Variants in DPM1 observed in about 807,000 individuals in gnomAD.
DPM1 encodes dolichol-phosphate mannosyltransferase subunit 1.
DPM1 carries 27 observed loss-of-function variants against 39.0 expected under a neutral mutation model. That is an observed-to-expected ratio of 0.69 (90% CI 0.51 to 0.95). The LOEUF is 0.95. Among genes scored for constraint, DPM1 ranks in the 40% least tolerant of loss-of-function variants. The probability of loss-of-function intolerance (pLI) is 0.00; values close to 1 mark genes in which losing one functional copy is unlikely to be tolerated. For missense variants in DPM1, 307 were observed against 315.6 expected (o/e 0.97, Z 0.21); for synonymous variants, 124 against 109.0 (o/e 1.14, Z -0.86).
chr20:50,957,437 C>A (rs1420693672), intron 1 of DPM1, among the ~76,000 whole-genome samples: 1 of 152,202 alleles, frequency 6.6e-6, no homozygotes. Flanking sequence ...AACGCGTCTG[C>A]TGCCAACACT....
Position 50,942,163 on chromosome 20 carries a change from C to A in DPM1, c.399-37G>T, listed in dbSNP as rs757950770. The A allele has an allele frequency of 3.8e-6, 6 of 1,563,556 alleles. No individual in the cohort carries two copies. The South Asian group carries it at 5.6e-5, about 14-fold the overall frequency. On this transcript the variant is annotated intron_variant, in intron 5 of 8. Coordinates refer to ENST00000371588, the MANE Select transcript of DPM1 (RefSeq NM_003859.3). ...ATTAGCTGTCAATTAGAAAAAGCCA[C>A]TGAGCTTTCAACAGTCATTTTCATG...
intron 2 of DPM1, 51 bp from the exon 3 acceptor site, chr20:50,948,713 T>A: frequency 6.5e-7 from 1 of 1,536,516 alleles, no homozygotes; most frequent in Non-Finnish European, 9.0e-7. Context: ...AATCTTATCA[T>A]GTTAAATTTT....
chr20:50,936,366 C>T (rs1180774422), intron 7 of DPM1, 104 bp from the exon 8 acceptor site: 7 of 737,998 alleles, frequency 9.5e-6, no homozygotes, highest in Non-Finnish European at 1.6e-5. Flanking sequence ...CTAAAACTTT[C>T]ACTGGCCATT....
chr20:50,942,278 C>T lies in DPM1; in HGVS notation c.399-152G>A, dbSNP rs977207527. The T allele has an allele frequency of 1.2e-4, 86 of 716,280 alleles. 1 individual carries two copies. Among genetic ancestry groups the T allele is most frequent in the South Asian group, 9.5e-4 (63 of 66,280 alleles). 44.4% of individuals were successfully genotyped at this position (716,280 alleles called of 1,614,324 possible). A position where few individuals can be genotyped will look rare whatever the true frequency, so the allele number is the denominator to read the frequency against. ...ATCCTAGCACTTTGGGAGGCCGAGG[C>T]GGGTGGATCACGAGGCCAGGAGTTC... On this transcript the variant is annotated intron_variant, in intron 5 of 8. Coordinates refer to ENST00000371588, the MANE Select transcript of DPM1 (RefSeq NM_003859.3).
At chr20:50,958,244 G>A (rs1986940882) in intron 1 of DPM1, 119 bp downstream of exon 1, 1 of 1,359,124 alleles carries the variant, frequency 7.4e-7, no homozygotes, top group African/African-American at 1.4e-5. Context: ...CTCTCCCCGG[G>A]CCTTCCTGTG....
At chr20:50,943,572 G>C (rs892010459) in intron 5 of DPM1, among the ~76,000 whole-genome samples, 2 of 151,850 alleles carry the variant, frequency 1.3e-5, no homozygotes, top group African/African-American at 4.8e-5. Context: ...TGTTGGCCAG[G>C]ATGCTCTCAA....
intron 2 of DPM1, among the ~76,000 whole-genome samples, chr20:50,949,097 G>A (rs920373170): frequency 2.0e-5 from 3 of 152,112 alleles, no homozygotes; most frequent in African/African-American, 7.2e-5. Flanking sequence ...CTGACCTCGT[G>A]ATCCGCCCGC....
At chr20:50,938,170 G>C (rs2123070748) in intron 7 of DPM1, among the ~76,000 whole-genome samples, 1 of 152,210 alleles carries the variant, frequency 6.6e-6, no homozygotes, top group East Asian at 1.9e-4. Context: ...TCCCATAAAT[G>C]CGATTAGGAT....
chr20:50,943,351 CTTTT>C (rs979804609), intron 5 of DPM1, among the ~76,000 whole-genome samples: 181 of 152,184 alleles, frequency 1.2e-3, no homozygotes, highest in African/African-American at 4.2e-3. Flanking sequence ...CTACAATAAA[CTTTT>C]TTTGTTTTGT....
intron 3 of DPM1, 82 bp from the exon 4 acceptor site, chr20:50,946,005 A>G: frequency 2.5e-6 from 3 of 1,194,668 alleles, no homozygotes; most frequent in Non-Finnish European, 3.7e-6. Flanking sequence ...ATTGTTTAGC[A>G]CCTGAAGAGC....
rs185970318 is a variant in DPM1 at position 50,953,398 on chromosome 20, C to T, written c.261+1788G>A. ...AGGCTGACAAAGCATCTGTGGTGAA[C>T]ACTTTATCTGAGGTATTCTAACATG... On this transcript the variant is annotated intron_variant, in intron 2 of 8. Transcript: ENST00000371588. Among the ~76,000 whole-genome samples the T allele has an allele frequency of 2.8e-4, 42 of 152,322 alleles. 1 individual carries two copies. The highest frequency in any genetic ancestry group is 8.2e-4 in the African/African-American group (34 of 41,572).
intron 2 of DPM1, among the ~76,000 whole-genome samples, chr20:50,950,871 A>AAAAC (rs138746394): frequency 0.02 from 3,084 of 151,876 alleles, 59 homozygotes; most frequent in African/African-American, 0.049. Flanking sequence ...TCCGTCTCAA[A>AAAAC]AAACAAACAA....
chr20:50,948,172 C>G (rs1432045496), intron 3 of DPM1, among the ~76,000 whole-genome samples: 3 of 152,132 alleles, frequency 2.0e-5, no homozygotes, highest in Non-Finnish European at 1.5e-5. Flanking sequence ...CTGTTACTCT[C>G]CCTCCTACCT....
At position 50,948,807 on chromosome 20, in the gene DPM1, T is replaced by A; in HGVS notation, c.262-145A>T. 3 of 780,232 alleles carry A rather than the reference T, an allele frequency of 3.8e-6. No individual in the cohort carries two copies. The South Asian group carries it at 4.9e-5, about 13-fold the overall frequency. The allele number at this position is 780,232 out of a possible 1,614,324, so 48.3% of individuals were successfully genotyped here. A position where few individuals can be genotyped will look rare whatever the true frequency, so the allele number is the denominator to read the frequency against. ...TAAAGCAAAGTATCCTTAATATTTTTTTGCCAAAAGAAAAAAAAAAGCATT... is the reference window on the plus strand; with the variant it reads ...TAAAGCAAAGTATCCTTAATATTTTATTGCCAAAAGAAAAAAAAAAGCATT... On this transcript the variant is annotated intron_variant, in intron 2 of 8. Transcript: ENST00000371588.
At chr20:50,941,953 G>T in intron 6 of DPM1, 78 bp downstream of exon 6, 2 of 1,237,994 alleles carry the variant, frequency 1.6e-6, no homozygotes. Context: ...CGGGCAGCAT[G>T]ATAGCTAATC....
chr20:50,953,319 T>A (rs1021026643), intron 2 of DPM1, among the ~76,000 whole-genome samples: 3 of 152,196 alleles, frequency 2.0e-5, no homozygotes, highest in Admixed American at 6.5e-5. Flanking sequence ...ACAGAATTTT[T>A]AAAAATATCT....
At chr20:50,935,911 G>C (rs897066191) in intron 8 of DPM1, among the ~76,000 whole-genome samples, 1 of 152,220 alleles carries the variant, frequency 6.6e-6, no homozygotes, top group African/African-American at 2.4e-5. Flanking sequence ...GGCTAGGATT[G>C]AGAAAGTACC....
At position 50,945,284 on chromosome 20, in the gene DPM1, T is replaced by TGTGTGTG. The variant is rs1555822494; in HGVS notation, c.398+452_398+453insCACACAC. On this transcript the variant is annotated intron_variant, in intron 5 of 8. Transcript: ENST00000371588. ...TACATCATTTAGTCTCAAATGTGTGTTGTGTGTGTGTGTGTGTGTGTGTGT... is the reference window on the plus strand; with the variant it reads ...TACATCATTTAGTCTCAAATGTGTGTGTGTGTGTGTGTGTGTGTGTGTGTGTGTGTGT... 38 of 157,096 alleles carry TGTGTGTG rather than the reference T, an allele frequency of 2.4e-4. No homozygotes were observed. The East Asian group carries it at 4.8e-3, about 20-fold the overall frequency. The allele number at this position is 157,096 out of a possible 1,614,324, so 9.7% of individuals were successfully genotyped here.
intron 1 of DPM1, 121 bp from the exon 2 acceptor site, chr20:50,955,406 G>A: frequency 4.1e-6 from 3 of 725,334 alleles, no homozygotes; most frequent in Non-Finnish European, 4.7e-6. Flanking sequence ...AATCGTTGAG[G>A]AAAACTTCAA....
Sources: gnomAD v4.1 joint callset for allele counts (sites outside exome capture counted in the v4.1 genomes callset) on GRCh38, gnomAD v4.1.1 for gene constraint, MANE v1.5 for transcripts, NCBI Gene and HGNC (gene_info 2026-07-23, HGNC 2026-07-21) for gene names.